XXYLT1: variants seen among roughly 807,000 people sequenced by gnomAD.
XXYLT1 encodes UDP-xylose:alpha-xyloside alpha-1,3-xylosyltransferase.
Under a neutral mutation model 28.9 loss-of-function variants are expected in XXYLT1, and 20 were observed. The ratio of observed to expected loss-of-function variants is 0.69; its 90% CI spans 0.49 to 1.00. The LOEUF is 1.00. Among genes scored for constraint, XXYLT1 ranks in the 50% least tolerant of loss-of-function variants. The probability of loss-of-function intolerance (pLI) is 0.00; values close to 1 mark genes in which losing one functional copy is unlikely to be tolerated. For synonymous variants in XXYLT1, 257 were observed against 253.8 expected, an observed-to-expected ratio of 1.01 and a Z score of -0.12; for missense variants, 542 against 560.1, an observed-to-expected ratio of 0.97 and a Z score of 0.33.
intron 3 of XXYLT1, among the ~76,000 whole-genome samples, chr3:195,140,938 G>A (rs1719456957): frequency 6.6e-6 from 1 of 152,120 alleles, no homozygotes; most frequent in Admixed American, 6.5e-5. Context: ...TCATGAGGGT[G>A]GGGCTCTCAT....
intron 2 of XXYLT1, among the ~76,000 whole-genome samples, chr3:195,157,680 G>A (rs1038011657): frequency 6.6e-6 from 1 of 152,182 alleles, no homozygotes. Flanking sequence ...AGACATGCGG[G>A]TGGCAAAAAA....
Position 195,270,958 on chromosome 3 carries a change from G to A in XXYLT1, c.101C>T (p.Ala34Val). The change falls in exon 1 of 4, where the codon GCC becomes GTC. Residue 34 changes from alanine (A) to valine (V), a missense_variant. Transcript: ENST00000310380. The part of the protein sequence containing the change: ...YCALLLAAAL[A>V]VCAFYYLGSG... The stretch of plus-strand genomic sequence containing the variant: ...GCCGAGGTAGTAGAAGGCGCAGACG[G>A]CCAGCGCCGCGGCCAGCAGCAGGGC... The A allele has an allele frequency of 2.0e-6, 3 of 1,488,180 alleles. No individual in the cohort carries two copies. Among genetic ancestry groups the A allele is most frequent in the Admixed American group, 2.3e-5 (1 of 42,872 alleles). The allele number at this position is 1,488,180 out of a possible 1,614,324, so 92.2% of individuals were successfully genotyped here.
rs1434976609 is a variant in XXYLT1 at position 195,270,871 on chromosome 3, G to A, written c.188C>T (p.Pro63Leu). 2.1e-6 allele frequency: 3 copies of A among 1,409,262 alleles called. No homozygotes were observed. Among genetic ancestry groups the A allele is most frequent in the Non-Finnish European group, 2.8e-6 (3 of 1,086,454 alleles). 87.3% of individuals were successfully genotyped at this position (1,409,262 alleles called of 1,614,324 possible). ...CAGCGCGGGCGGCGAGGGCGCGGCGGGAGCCCCGGCGCGGGCCTCCTTCAG... is the reference window on the plus strand; with the variant it reads ...CAGCGCGGGCGGCGAGGGCGCGGCGAGAGCCCCGGCGCGGGCCTCCTTCAG... ...KRLKEARAGA[P>L]AAPSPPALEL... Residue 63 changes from proline (P) to leucine (L), a missense_variant, in exon 1 of 4, where the codon CCC becomes CTC. By Grantham distance (98) the Pro-to-Leu change is moderately conservative. Transcript: ENST00000310380.
intron 3 of XXYLT1, among the ~76,000 whole-genome samples, chr3:195,127,476 T>C (rs1160636217): frequency 2.0e-5 from 3 of 152,116 alleles, no homozygotes; most frequent in Admixed American, 6.6e-5. Flanking sequence ...ATATAGACAA[T>C]GCTAAAAGTT....
intron 2 of XXYLT1, among the ~76,000 whole-genome samples, chr3:195,221,648 C>A (rs1198182968): frequency 6.6e-6 from 1 of 152,202 alleles, no homozygotes; most frequent in Non-Finnish European, 1.5e-5. Context: ...TGAGCTGGAG[C>A]CAGCAGCGCC....
At chr3:195,136,198 G>C (rs1381876396) in intron 3 of XXYLT1, among the ~76,000 whole-genome samples, 2 of 152,178 alleles carry the variant, frequency 1.3e-5, no homozygotes, top group Non-Finnish European at 2.9e-5. Flanking sequence ...TTTGCCAAAT[G>C]TGACTGTGGA....
At chr3:195,222,703 A>AT (rs1227095908) in intron 2 of XXYLT1, among the ~76,000 whole-genome samples, 1 of 152,182 alleles carries the variant, frequency 6.6e-6, no homozygotes, top group African/African-American at 2.4e-5. Context: ...CATTCAAAAA[A>AT]TTTTCAAAGA....
At chr3:195,138,705 A>G (rs995713911) in intron 3 of XXYLT1, among the ~76,000 whole-genome samples, 1 of 151,924 alleles carries the variant, frequency 6.6e-6, no homozygotes, top group Non-Finnish European at 1.5e-5. Context: ...AAATACAAAA[A>G]TTAACCAGGC....
At chr3:195,177,643 T>C (rs1391351843) in intron 2 of XXYLT1, among the ~76,000 whole-genome samples, 6 of 151,902 alleles carry the variant, frequency 3.9e-5, no homozygotes, top group African/African-American at 9.7e-5. Context: ...AATGGGGAGA[T>C]GGCCAGGTAC....
intron 3 of XXYLT1, among the ~76,000 whole-genome samples, chr3:195,143,322 C>G (rs1203459600): frequency 1.3e-5 from 2 of 152,166 alleles, no homozygotes; most frequent in Non-Finnish European, 2.9e-5. Flanking sequence ...ATCCTTTAAA[C>G]CAGAGGTCTC....
rs532773903 is a variant in XXYLT1, at chr3:195,162,935, A to G, written c.653-6354T>C. Among the ~76,000 whole-genome samples the G allele has an allele frequency of 1.1e-4, 17 of 152,336 alleles. No individual in the cohort carries two copies. In the South Asian group the frequency reaches 1.7e-3, roughly 15 times the overall value. On this transcript the variant is annotated intron_variant, in intron 2 of 3. Transcript: ENST00000310380. ...TTCCATTTCTATGGTAAGGATGTCC[A>G]TGGTCCCTGCTGGCCTTTCCATAGT...
At chr3:195,230,605 CA>C (rs1171890192) in intron 1 of XXYLT1, among the ~76,000 whole-genome samples, 1 of 152,086 alleles carries the variant, frequency 6.6e-6, no homozygotes, top group African/African-American at 2.4e-5. Flanking sequence ...TAAGGTTATC[CA>C]GTTTTCCCAG....
At chr3:195,071,073 G>A (rs575635177) in intron 3 of XXYLT1, among the ~76,000 whole-genome samples, 1 of 152,288 alleles carries the variant, frequency 6.6e-6, no homozygotes, top group South Asian at 2.1e-4. Flanking sequence ...TAAGCCTCAT[G>A]TGTGCTGCAA....
Position 195,162,953 on chromosome 3 carries a change from T to G in XXYLT1, c.653-6372A>C, listed in dbSNP as rs529610588. Among the ~76,000 whole-genome samples the G allele has an allele frequency of 5.3e-5, 8 of 152,314 alleles. No individual in the cohort carries two copies. In the South Asian group the frequency reaches 1.2e-3, roughly 24 times the overall value. On this transcript the variant is annotated intron_variant, in intron 2 of 3. Transcript: ENST00000310380. ...GATGTCCATGGTCCCTGCTGGCCTTTCCATAGTTCACATCTCTCTCGTGTC... is the reference window on the plus strand; with the variant it reads ...GATGTCCATGGTCCCTGCTGGCCTTGCCATAGTTCACATCTCTCTCGTGTC...
intron 1 of XXYLT1, among the ~76,000 whole-genome samples, chr3:195,249,300 G>C (rs1018765664): frequency 1.3e-5 from 2 of 152,178 alleles, no homozygotes; most frequent in African/African-American, 4.8e-5. Context: ...CCCACCAGGC[G>C]ATGTTCAGGA....
rs1577097076 is a variant in XXYLT1 at position 195,163,472 on chromosome 3, C to T, written c.653-6891G>A. Among the ~76,000 whole-genome samples, 10 of 152,348 alleles carry T rather than the reference C, an allele frequency of 6.6e-5. 1 individual carries two copies. The South Asian group carries it at 2.1e-3, about 32-fold the overall frequency. On this transcript the variant is annotated intron_variant, in intron 2 of 3. Transcript: ENST00000310380. ...CCTGCACTCTGTCAGGGCCTGTCCA[C>T]TGCAGCCTTGCCCCTTCCATTGATT...
In XXYLT1 at chr3:195,240,781, G is replaced by T. The variant is rs561255904; in HGVS notation, c.505-13925C>A. On this transcript the variant is annotated intron_variant, in intron 1 of 3. Transcript: ENST00000310380. This position sits in a 1 kb window ranked among gnomAD's most constrained non-coding sequence, Gnocchi z 4.7. ...CAAGTCCAGCAATCCTGGTGCCCCTGCCAATGCTGAATCCACCTCCTGAAG... is the reference window on the plus strand; with the variant it reads ...CAAGTCCAGCAATCCTGGTGCCCCTTCCAATGCTGAATCCACCTCCTGAAG... 1.3e-4 allele frequency among the ~76,000 whole-genome samples: 20 copies of T among 152,360 alleles called. No individual in the cohort carries two copies. The highest frequency in any genetic ancestry group is 3.8e-4 in the African/African-American group (16 of 41,590).
chr3:195,180,552 T>A lies in XXYLT1; in HGVS notation c.653-23971A>T, dbSNP rs1721898242. 1 of 985,382 alleles carries A rather than the reference T, an allele frequency of 1.0e-6. No individual in the cohort carries two copies. The highest frequency in any genetic ancestry group is 1.2e-6 in the Non-Finnish European group (1 of 829,970). 61.0% of individuals were successfully genotyped at this position (985,382 alleles called of 1,614,324 possible). A position where few individuals can be genotyped will look rare whatever the true frequency, so the allele number is the denominator to read the frequency against. On this transcript the variant is annotated intron_variant, in intron 2 of 3. Coordinates refer to ENST00000310380, the MANE Select transcript of XXYLT1 (RefSeq NM_152531.5). This position sits in a 1 kb window ranked among gnomAD's most constrained non-coding sequence, Gnocchi z 5.8. ...GCAAACAAACAGATAAGGGTCAGCA[T>A]CTGAGGCCAGACCCTAAGGCCCTTC...
intron 3 of XXYLT1, among the ~76,000 whole-genome samples, chr3:195,153,357 T>A (rs1210418207): frequency 6.6e-6 from 1 of 152,218 alleles, no homozygotes. Flanking sequence ...TACAAGGCAA[T>A]TCCCCAGAGC....
Sources: allele counts gnomAD v4.1 joint callset (sites outside exome capture counted in the v4.1 genomes callset), GRCh38; gene constraint gnomAD v4.1.1; non-coding constraint Gnocchi (gnomAD v3.1); transcripts MANE v1.5; gene names NCBI Gene and HGNC (gene_info 2026-07-23, HGNC 2026-07-21).